Variants in COL6A3 observed in about 807,000 individuals in gnomAD.
COL6A3 encodes the protein collagen alpha-3(VI) chain.
In COL6A3, 137 loss-of-function variants were observed where a neutral mutation model predicts 274.1. The observed-to-expected ratio is 0.50, with a 90% CI of 0.44 to 0.58. The LOEUF (loss-of-function observed/expected upper bound fraction) is 0.58, where lower values mean the gene tolerates loss of function less well. Among genes scored for constraint, COL6A3 ranks in the 20% least tolerant of loss-of-function variants. The pLI is 0.00. For synonymous variants in COL6A3, 1,650 were observed against 1,650.6 expected (o/e 1.00, Z 0.01); for missense variants, 3,950 against 4,124.9 (o/e 0.96, Z 1.16).
At position 237,354,939 on chromosome 2, in the gene COL6A3, G is replaced by C. The variant is rs367727208; in HGVS notation, c.6592-5C>G. ...TCCCCTTCGGCCAAAGCCACCCTGT[G>C]GAAGAAAAAGTCCCACAAACTGTGA... On this transcript the variant is annotated splice_polypyrimidine_tract_variant and splice_region_variant and intron_variant, in intron 23 of 43. Coordinates refer to ENST00000295550, the MANE Select transcript of COL6A3 (RefSeq NM_004369.4). The C allele has an allele frequency of 3.1e-6, 5 of 1,613,500 alleles. No individual in the cohort carries two copies. The African/African-American group carries it at 5.3e-5, about 17-fold the overall frequency.
chr2:237,346,820 A>AG (rs1302645155), intron 31 of COL6A3, among the ~76,000 whole-genome samples: 1 of 152,140 alleles, frequency 6.6e-6, no homozygotes, highest in Non-Finnish European at 1.5e-5. Context: ...AAGGTAAGAC[A>AG]GGTGCTTTCC....
intron 4 of COL6A3, among the ~76,000 whole-genome samples, chr2:237,384,260 A>G (rs1231548695): frequency 6.6e-6 from 1 of 152,126 alleles, no homozygotes; most frequent in African/African-American, 2.4e-5. Context: ...AGGGATGCAT[A>G]CGCATTTCCT....
chr2:237,347,074 T>C (rs1422992548), intron 31 of COL6A3, among the ~76,000 whole-genome samples: 1 of 152,114 alleles, frequency 6.6e-6, no homozygotes, highest in Non-Finnish European at 1.5e-5. Flanking sequence ...AATTTGCTAA[T>C]TGAAGACTCT....
intron 14 of COL6A3, 81 bp downstream of exon 14, chr2:237,363,172 A>C: frequency 6.6e-6 from 8 of 1,204,754 alleles, no homozygotes; most frequent in East Asian, 3.0e-5. Context: ...TCACCTGCTG[A>C]TAATTAACTT....
Position 237,371,324 on chromosome 2 carries a change from C to T in COL6A3, c.4285+408G>A, listed in dbSNP as rs1053971574. Among the ~76,000 whole-genome samples the T allele has an allele frequency of 1.9e-4, 29 of 152,074 alleles. No individual in the cohort carries two copies. Among genetic ancestry groups the T allele is most frequent in the African/African-American group, 6.0e-4 (25 of 41,404 alleles). Reference sequence around the variant, plus strand: ...ATGAAGAACATAAAGGTGCTGGGCGCGGTGTCTCAGGCCTGTAATCCCAGC... The same window carrying T: ...ATGAAGAACATAAAGGTGCTGGGCGTGGTGTCTCAGGCCTGTAATCCCAGC... On this transcript the variant is annotated intron_variant, in intron 9 of 43. Transcript: ENST00000295550. This position sits in a 1 kb window ranked among gnomAD's most constrained non-coding sequence, Gnocchi z 4.3.
At position 237,372,282 on chromosome 2, in the gene COL6A3, C is replaced by T; in HGVS notation, c.3735G>A (p.Gly1245=). The T allele has an allele frequency of 1.2e-6, 2 of 1,612,852 alleles. No individual in the cohort carries two copies. The highest frequency in any genetic ancestry group is 1.7e-6 in the Non-Finnish European group (2 of 1,180,026). Residue 1245 remains glycine, a synonymous_variant, in exon 9 of 44, where the codon GGG becomes GGA. Transcript: ENST00000295550. ...VFLIDGSQSA[G]PEFQYVRTLI... ...GGGTGCGAACGTACTGGAACTCAGG[C>T]CCGGCACTTTGGGACCCATCGATGA...
At chr2:237,372,641 A>G (rs2077723584) in intron 8 of COL6A3, among the ~76,000 whole-genome samples, 1 of 152,248 alleles carries the variant, frequency 6.6e-6, no homozygotes, top group Admixed American at 6.5e-5. Context: ...CCCGAGGGTC[A>G]GCCACTGGGC....
chr2:237,341,952 A>C, intron 37 of COL6A3, 113 bp downstream of exon 37: 1 of 887,486 alleles, frequency 1.1e-6, no homozygotes, highest in Non-Finnish European at 1.8e-6. Flanking sequence ...GGCTTTGTGA[A>C]TCAATTGAAC....
rs112315665 is a variant in COL6A3, at chr2:237,338,049, T to C, written c.8567+966A>G. Among the ~76,000 whole-genome samples, 559 of 152,386 alleles carry C rather than the reference T, an allele frequency of 3.7e-3. 7 individuals carry two copies. The highest frequency in any genetic ancestry group is 0.013 in the African/African-American group (523 of 41,602). ...AGATACGGTAAATTGTTTGGAACTATGGTCTCAATTATCTACCTTCTCTCT... is the reference window on the plus strand; with the variant it reads ...AGATACGGTAAATTGTTTGGAACTACGGTCTCAATTATCTACCTTCTCTCT... On this transcript the variant is annotated intron_variant, in intron 39 of 43. Transcript: ENST00000295550.
chr2:237,387,567 G>A lies in COL6A3; in HGVS notation c.1312+15C>T. ...CACCCCACTCCCACACAGATGGTGA[G>A]AAGAGGATACATACCTTGTGTGACA... On this transcript the variant is annotated intron_variant, in intron 4 of 43. Coordinates refer to ENST00000295550, the MANE Select transcript of COL6A3 (RefSeq NM_004369.4). 1 of 1,613,916 alleles carries A rather than the reference G, an allele frequency of 6.2e-7. No homozygotes were observed. Among genetic ancestry groups the A allele is most frequent in the East Asian group, 2.2e-5 (1 of 44,870 alleles).
chr2:237,377,434 G>T, intron 6 of COL6A3, 90 bp from the exon 7 acceptor site: 3 of 1,323,844 alleles, frequency 2.3e-6, no homozygotes, highest in Non-Finnish European at 3.2e-6. Context: ...GACAACAGGA[G>T]TTGGTGAAAC....
chr2:237,352,732 C>G, intron 25 of COL6A3, 148 bp from the exon 26 acceptor site: 3 of 738,872 alleles, frequency 4.1e-6, no homozygotes, highest in Non-Finnish European at 7.3e-6. Flanking sequence ...CCTGTCTTAG[C>G]TGCAGTAGCA....
At chr2:237,370,698 G>A (rs1242711068) in intron 9 of COL6A3, among the ~76,000 whole-genome samples, 1 of 152,072 alleles carries the variant, frequency 6.6e-6, no homozygotes, top group Non-Finnish European at 1.5e-5. Flanking sequence ...TACACAATTG[G>A]GCAATTTACG....
chr2:237,397,840 C>A (rs1225255584), intron 1 of COL6A3, among the ~76,000 whole-genome samples: 1 of 152,158 alleles, frequency 6.6e-6, no homozygotes, highest in African/African-American at 2.4e-5. Context: ...AATCTAGTGA[C>A]TATTACTTTG....
chr2:237,400,920 T>C (rs748467787), intron 1 of COL6A3, among the ~76,000 whole-genome samples: 3 of 152,186 alleles, frequency 2.0e-5, no homozygotes, highest in Non-Finnish European at 4.4e-5. Flanking sequence ...TGCAAGGATG[T>C]TTCAACGTAT....
Position 237,407,857 on chromosome 2 carries a change from A to G in COL6A3, c.-31+6096T>C, listed in dbSNP as rs111378239. ...CAGAGACTAGTTCCATTTCAACATT[A>G]AAGAAGAAAGGTGCATTAGAAAATG... On this transcript the variant is annotated intron_variant, in intron 1 of 43. Coordinates refer to ENST00000295550, the MANE Select transcript of COL6A3 (RefSeq NM_004369.4). The surrounding 1 kb of genome is among the most constrained non-coding windows in gnomAD (Gnocchi z 4.3). Among the ~76,000 whole-genome samples the G allele has an allele frequency of 6.6e-6, 1 of 152,240 alleles. No homozygotes were observed. The highest frequency in any genetic ancestry group is 1.5e-5 in the Non-Finnish European group (1 of 68,044).
intron 1 of COL6A3, among the ~76,000 whole-genome samples, chr2:237,410,296 TTTTC>T (rs1281495368): frequency 1.4e-5 from 2 of 146,824 alleles, no homozygotes; most frequent in African/African-American, 5.0e-5. Flanking sequence ...TCAAAATTTC[TTTTC>T]TTTTTTTTTT....
Position 237,344,372 on chromosome 2 carries a change from C to T in COL6A3, c.7646G>A (p.Arg2549Gln), listed in dbSNP as rs115863049. ...TPLFLTRQED[R>Q]QLINALQINN... Reference sequence around the variant, plus strand: ...GACCTGCAAAGCGTTGATGAGCTGCCGGTCTTCCTGCCTTGTAAGGAACAA... The same window carrying T: ...GACCTGCAAAGCGTTGATGAGCTGCTGGTCTTCCTGCCTTGTAAGGAACAA... The change falls in exon 36 of 44, where the codon CGG becomes CAG. Residue 2549 changes from arginine to glutamine, a missense_variant. Coordinates refer to ENST00000295550, the MANE Select transcript of COL6A3 (RefSeq NM_004369.4). This position sits in a 1 kb window ranked among gnomAD's most constrained non-coding sequence, Gnocchi z 4.8. 1.2e-5 allele frequency: 19 copies of T among 1,614,190 alleles called. No homozygotes were observed. The African/African-American group carries it at 1.2e-4, about 10-fold the overall frequency.
At chr2:237,398,649 TCA>T (rs2078512719) in intron 1 of COL6A3, among the ~76,000 whole-genome samples, 1 of 152,210 alleles carries the variant, frequency 6.6e-6, no homozygotes, top group African/African-American at 2.4e-5. Context: ...GGCCCCATGC[TCA>T]GTTTGATGCT....
Sources: gnomAD v4.1 joint callset for allele counts (sites outside exome capture counted in the v4.1 genomes callset) on GRCh38, gnomAD v4.1.1 for gene constraint, Gnocchi (gnomAD v3.1) non-coding constraint, MANE v1.5 for transcripts, NCBI Gene and HGNC (gene_info 2026-07-23, HGNC 2026-07-21) for gene names.